The following PDGFRA variants were observed in gnomAD, a reference collection of about 807,000 sequenced individuals.
PDGFRA encodes platelet derived growth factor receptor alpha.
Under a neutral mutation model 121.5 loss-of-function variants are expected in PDGFRA, and 25 were observed. The observed-to-expected ratio is 0.21, with a 90% CI of 0.15 to 0.29. PDGFRA has a LOEUF of 0.29. PDGFRA is among the 10% of genes least tolerant of loss of function. The probability of loss-of-function intolerance (pLI) is 1.00; values close to 1 mark genes in which losing one functional copy is unlikely to be tolerated. For synonymous variants in PDGFRA, 463 were observed against 494.8 expected (o/e 0.94, Z 0.85); for missense variants, 1,008 against 1,345.1 (o/e 0.75, Z 3.92).
intron 1 of PDGFRA, among the ~76,000 whole-genome samples, chr4:54,247,955 A>T (rs1326169792): frequency 6.6e-6 from 1 of 152,144 alleles, no homozygotes; most frequent in Non-Finnish European, 1.5e-5. Flanking sequence ...TCGTGAGTGA[A>T]CTCCCATTCA....
chr4:54,268,958 C>T (rs954182082), intron 7 of PDGFRA, among the ~76,000 whole-genome samples: 3 of 152,108 alleles, frequency 2.0e-5, no homozygotes, highest in South Asian at 2.1e-4. Context: ...GATGCTTCAA[C>T]GTGGATTTTT....
intron 21 of PDGFRA, 127 bp from the exon 22 acceptor site, chr4:54,290,186 A>T (rs1365306919): frequency 5.1e-6 from 4 of 779,772 alleles, no homozygotes; most frequent in Non-Finnish European, 8.9e-6. Flanking sequence ...CCTTCAACTA[A>T]GTCCCACATC....
chr4:54,230,354 C>T (rs1242095791), intron 1 of PDGFRA: 2 of 152,274 alleles, frequency 1.3e-5, no homozygotes, highest in Non-Finnish European at 2.9e-5. Context: ...TCGTCGTCGC[C>T]TCGCATTCCA....
At chr4:54,261,013 T>A in intron 2 of PDGFRA, 82 bp from the exon 3 acceptor site, 1 of 1,232,078 alleles carries the variant, frequency 8.1e-7, no homozygotes. Flanking sequence ...TCATCTAAGC[T>A]GCTACTGTTG....
At chr4:54,263,566 C>T in intron 3 of PDGFRA, 101 bp from the exon 4 acceptor site, 1 of 1,121,658 alleles carries the variant, frequency 8.9e-7, no homozygotes, top group Non-Finnish European at 1.4e-6. Flanking sequence ...AGGTGAACTT[C>T]ATACCTAATA....
Position 54,269,355 on chromosome 4 carries a change from A to G in PDGFRA, c.1122-1278A>G, listed in dbSNP as rs1042101300. ...GTACAATTATCACGTTTTACACACA[A>G]GGAAACTGAGGCATGGAGCATTGTA... On this transcript the variant is annotated intron_variant, in intron 7 of 22. Transcript: ENST00000257290. 2.0e-5 allele frequency among the ~76,000 whole-genome samples: 3 copies of G among 152,176 alleles called. No individual in the cohort carries two copies. In the South Asian group the frequency reaches 6.2e-4, roughly 32 times the overall value.
intron 7 of PDGFRA, among the ~76,000 whole-genome samples, chr4:54,269,822 T>C (rs1373032088): frequency 6.9e-6 from 1 of 145,892 alleles, no homozygotes; most frequent in East Asian, 2.0e-4. Flanking sequence ...TTTTTTTTTT[T>C]GTATTTTTAG....
At chr4:54,282,059 T>A in intron 16 of PDGFRA, 1 of 705,580 alleles carries the variant, frequency 1.4e-6, no homozygotes, top group Non-Finnish European at 1.8e-6. Context: ...ATGTGTGTTT[T>A]AAAGGTAGCT....
At chr4:54,256,346 C>T (rs1408032011) in intron 1 of PDGFRA, among the ~76,000 whole-genome samples, 1 of 152,032 alleles carries the variant, frequency 6.6e-6, no homozygotes, top group Admixed American at 6.6e-5. Context: ...AGCGATTCTC[C>T]TGTCTCAGCC....
At chr4:54,258,660 T>C (rs9993826) in intron 1 of PDGFRA, 97 bp from the exon 2 acceptor site, 2 of 808,996 alleles carry the variant, frequency 2.5e-6, no homozygotes, top group Non-Finnish European at 4.5e-6. Context: ...AAAATGATGC[T>C]GTTAATATTT....
At chr4:54,233,299 G>A (rs1451750941) in intron 1 of PDGFRA, among the ~76,000 whole-genome samples, 1 of 152,200 alleles carries the variant, frequency 6.6e-6, no homozygotes, top group Non-Finnish European at 1.5e-5. Context: ...GTGTTCCTCT[G>A]GGTCCCGGGG....
At position 54,262,351 on chromosome 4, in the gene PDGFRA, G is replaced by A. The variant is rs555413785; in HGVS notation, c.367+939G>A. 3.3e-5 allele frequency among the ~76,000 whole-genome samples: 5 copies of A among 152,276 alleles called. No individual in the cohort carries two copies. In the South Asian group the frequency reaches 8.3e-4, roughly 25 times the overall value. ...CAAAGTTCTGGGATTACAGGCACGA[G>A]CCACTGGGCCTGGCCTACTCCTGCA... On this transcript the variant is annotated intron_variant, in intron 3 of 22. Transcript: ENST00000257290.
chr4:54,289,828 C>A (rs1250352502), intron 21 of PDGFRA, among the ~76,000 whole-genome samples: 1 of 152,212 alleles, frequency 6.6e-6, no homozygotes, highest in East Asian at 1.9e-4. Flanking sequence ...AGGAAATTAA[C>A]CCTCAGTTGG....
In PDGFRA at chr4:54,255,666, C is replaced by T. The variant is rs376210995; in HGVS notation, c.-12-3091C>T. On this transcript the variant is annotated intron_variant, in intron 1 of 22. Coordinates refer to ENST00000257290, the MANE Select transcript of PDGFRA (RefSeq NM_006206.6). ...GACTACAGGTGCCTGCCACCACGCC[C>T]GGCTAATTTTTTGTATTTTTAGTAG... 3.9e-5 allele frequency among the ~76,000 whole-genome samples: 6 copies of T among 151,914 alleles called. No homozygotes were observed. In the East Asian group the frequency reaches 7.7e-4, roughly 20 times the overall value.
chr4:54,260,411 T>G (rs142147687), intron 2 of PDGFRA, among the ~76,000 whole-genome samples: 6 of 94,116 alleles, frequency 6.4e-5, no homozygotes, highest in Admixed American at 4.4e-4. Context: ...TTTTTTTTTT[T>G]TTTTTTTTTT....
At chr4:54,295,015 G>C in intron 22 of PDGFRA, 110 bp from the exon 23 acceptor site, 1 of 1,119,988 alleles carries the variant, frequency 8.9e-7, no homozygotes, top group Non-Finnish European at 1.4e-6. Context: ...TTGCCATACT[G>C]TGCAGCCCAA....
intron 3 of PDGFRA, among the ~76,000 whole-genome samples, chr4:54,263,462 A>G (rs549500306): frequency 2.6e-5 from 4 of 152,306 alleles, no homozygotes; most frequent in African/African-American, 9.6e-5. Flanking sequence ...CCATCAGGAG[A>G]CAGGCAATTT....
At chr4:54,291,141 G>A (rs1560493728) in intron 22 of PDGFRA, among the ~76,000 whole-genome samples, 1 of 152,146 alleles carries the variant, frequency 6.6e-6, no homozygotes, top group Non-Finnish European at 1.5e-5. Context: ...AGTATAGTGA[G>A]CTGTTCAGTA....
intron 1 of PDGFRA, among the ~76,000 whole-genome samples, chr4:54,235,519 A>G (rs1436369988): frequency 6.6e-6 from 1 of 152,258 alleles, no homozygotes; most frequent in Non-Finnish European, 1.5e-5. Flanking sequence ...AAGAGAAAGG[A>G]TAGTAGCTGC....
Sources: allele counts gnomAD v4.1 joint callset (sites outside exome capture counted in the v4.1 genomes callset), GRCh38; gene constraint gnomAD v4.1.1; transcripts MANE v1.5; gene names NCBI Gene and HGNC (gene_info 2026-07-23, HGNC 2026-07-21).